The following SHTN1 variants were observed in gnomAD, a reference collection of about 807,000 sequenced individuals.
SHTN1 encodes the protein shootin 1.
A neutral mutation model predicts 83.1 loss-of-function variants in SHTN1; 42 were observed. The ratio of observed to expected loss-of-function variants is 0.51; its 90% CI spans 0.39 to 0.65. SHTN1 has a LOEUF of 0.65. SHTN1 is among the 30% of genes least tolerant of loss of function. SHTN1 has a pLI of 0.00. For missense variants in SHTN1, 622 were observed against 737.8 expected (o/e 0.84, Z 1.82); for synonymous variants, 224 against 247.7 (o/e 0.90, Z 0.90).
intron 1 of SHTN1, among the ~76,000 whole-genome samples, chr10:117,115,559 G>A (rs1203716626): frequency 6.6e-6 from 1 of 152,094 alleles, no homozygotes; most frequent in African/African-American, 2.4e-5. Flanking sequence ...TAGTGATGGA[G>A]GATCTCTCTT....
At chr10:116,927,081 GTAAT>G (rs991818887) in intron 11 of SHTN1, among the ~76,000 whole-genome samples, 1 of 152,154 alleles carries the variant, frequency 6.6e-6, no homozygotes, top group African/African-American at 2.4e-5. Context: ...AGGGATAAAA[GTAAT>G]TAATACTTCT....
At chr10:117,096,031 C>T (rs186743928) in intron 1 of SHTN1, among the ~76,000 whole-genome samples, 7 of 152,270 alleles carry the variant, frequency 4.6e-5, no homozygotes, top group South Asian at 2.1e-4. Flanking sequence ...AATTCTTAAG[C>T]GATTCCAACT....
rs919683266 is a variant in SHTN1, at chr10:117,035,308, A to C, written c.-123+13137T>G. Among the ~76,000 whole-genome samples, 11 of 152,346 alleles carry C rather than the reference A, an allele frequency of 7.2e-5. No individual in the cohort carries two copies. In the South Asian group the frequency reaches 1.7e-3, roughly 23 times the overall value. ...TGCAGAAGAATGAAACTAGACCCTT[A>C]TCTCTCTCCAGACACAAAAATCAAA... On this transcript the variant is annotated intron_variant, in intron 2 of 17. Coordinates refer to the SHTN1 transcript ENST00000392901.
At chr10:116,963,114 C>CA (rs1850253764) in intron 3 of SHTN1, among the ~76,000 whole-genome samples, 1 of 107,608 alleles carries the variant, frequency 9.3e-6, no homozygotes, top group African/African-American at 3.6e-5. Flanking sequence ...CTCTGTGGCC[C>CA]AGGCTGGAGT....
At chr10:117,046,659 T>C (rs546576900) in intron 2 of SHTN1, among the ~76,000 whole-genome samples, 5 of 152,282 alleles carry the variant, frequency 3.3e-5, no homozygotes, top group African/African-American at 1.2e-4. Flanking sequence ...AAATATGATA[T>C]ATCCATACAG....
chr10:116,964,438 C>T (rs1287547424), intron 3 of SHTN1, among the ~76,000 whole-genome samples: 1 of 152,306 alleles, frequency 6.6e-6, no homozygotes, highest in Admixed American at 6.5e-5. Context: ...CTTTCTAATT[C>T]ATTATACAAG....
chr10:117,099,249 G>A (rs756353931), intron 1 of SHTN1, among the ~76,000 whole-genome samples: 12 of 151,986 alleles, frequency 7.9e-5, no homozygotes, highest in Non-Finnish European at 1.2e-4. Context: ...GTAAGGAGGG[G>A]TGAGAGATCA....
chr10:116,959,237 G>A (rs1346049518), intron 4 of SHTN1, among the ~76,000 whole-genome samples: 1 of 152,194 alleles, frequency 6.6e-6, no homozygotes, highest in African/African-American at 2.4e-5. Flanking sequence ...TAACAGGAGA[G>A]AAGTTACATA....
At chr10:116,988,275 T>TA (rs922005599) in intron 1 of SHTN1, among the ~76,000 whole-genome samples, 4 of 150,908 alleles carry the variant, frequency 2.7e-5, no homozygotes, top group Admixed American at 2.0e-4. Context: ...TCTAAACTTC[T>TA]AAAAAAAAGT....
At chr10:117,111,896 CTG>C (rs1171040067) in intron 1 of SHTN1, among the ~76,000 whole-genome samples, 1 of 152,168 alleles carries the variant, frequency 6.6e-6, no homozygotes, top group Admixed American at 6.5e-5. Context: ...TGATGACCCT[CTG>C]TAGTTGGGAA....
At chr10:117,071,832 T>C (rs973440870) in intron 1 of SHTN1, among the ~76,000 whole-genome samples, 2 of 152,052 alleles carry the variant, frequency 1.3e-5, no homozygotes, top group Non-Finnish European at 2.9e-5. Flanking sequence ...TAGAATCCTG[T>C]TGCAAATCCT....
At chr10:117,042,574 T>G (rs974237079) in intron 2 of SHTN1, among the ~76,000 whole-genome samples, 2 of 152,100 alleles carry the variant, frequency 1.3e-5, no homozygotes, top group Non-Finnish European at 2.9e-5. Context: ...AATACAGCTC[T>G]CAAGGGGATG....
intron 3 of SHTN1, among the ~76,000 whole-genome samples, chr10:116,964,865 C>T (rs1219287194): frequency 6.6e-6 from 1 of 151,994 alleles, no homozygotes; most frequent in Non-Finnish European, 1.5e-5. Flanking sequence ...ACTTGGGAGG[C>T]TGAGGCAGGA....
intron 1 of SHTN1, among the ~76,000 whole-genome samples, chr10:117,101,856 G>A (rs926111644): frequency 6.6e-6 from 1 of 151,982 alleles, no homozygotes; most frequent in Non-Finnish European, 1.5e-5. Flanking sequence ...TGACTATAAG[G>A]TTCCTTCCAA....
At chr10:116,922,481 C>A (rs572002787) in intron 11 of SHTN1, among the ~76,000 whole-genome samples, 1 of 152,070 alleles carries the variant, frequency 6.6e-6, no homozygotes, top group African/African-American at 2.4e-5. Flanking sequence ...GAAAGGCAAG[C>A]ACTTGCGCAC....
intron 16 of SHTN1, among the ~76,000 whole-genome samples, chr10:116,898,565 G>A (rs946888048): frequency 2.6e-5 from 4 of 151,940 alleles, no homozygotes; most frequent in East Asian, 1.9e-4. Flanking sequence ...ATAACCAATC[G>A]GAATTCATAA....
intron 13 of SHTN1, among the ~76,000 whole-genome samples, chr10:116,913,028 GA>G (rs1320977077): frequency 6.6e-6 from 1 of 152,150 alleles, no homozygotes; most frequent in Non-Finnish European, 1.5e-5. Flanking sequence ...TACGCACTAA[GA>G]CACTAATTTG....
At chr10:116,949,525 T>A (rs549526809) in intron 6 of SHTN1, among the ~76,000 whole-genome samples, 2 of 152,222 alleles carry the variant, frequency 1.3e-5, no homozygotes, top group African/African-American at 2.4e-5. Flanking sequence ...TTGGTATTCA[T>A]TTTAAATGTT....
intron 1 of SHTN1, among the ~76,000 whole-genome samples, chr10:117,003,402 G>A (rs1306569062): frequency 1.3e-5 from 2 of 148,956 alleles, no homozygotes; most frequent in Non-Finnish European, 3.0e-5. Context: ...GAAGGCCAAA[G>A]AGACTAACAT....
Sources: allele counts gnomAD v4.1 joint callset (sites outside exome capture counted in the v4.1 genomes callset), GRCh38; gene constraint gnomAD v4.1.1; transcripts MANE v1.5; gene names NCBI Gene and HGNC (gene_info 2026-07-23, HGNC 2026-07-21).